MMP7: variants seen among roughly 807,000 people sequenced by gnomAD.
MMP7 encodes matrix metallopeptidase 7.
In MMP7, 26 loss-of-function variants were observed where a neutral mutation model predicts 31.5. The observed-to-expected ratio is 0.83, with a 90% confidence interval of 0.61 to 1.15. The LOEUF (loss-of-function observed/expected upper bound fraction) is 1.15. MMP7 is among the 50% of genes most tolerant of loss of function. MMP7 has a pLI of 0.00. For missense variants in MMP7, 367 were observed against 326.5 expected (o/e 1.12, Z -0.96); for synonymous variants, 142 against 124.2 (o/e 1.14, Z -0.95).
intron 5 of MMP7, among the ~76,000 whole-genome samples, chr11:102,522,140 C>T (rs1327297600): frequency 1.3e-5 from 2 of 152,198 alleles, no homozygotes; most frequent in East Asian, 3.8e-4. Context: ...TCCATAGCCT[C>T]CTTTTCTGGG....
At chr11:102,528,061 C>G (rs887308119) in intron 1 of MMP7, 78 bp from the exon 2 acceptor site, 6 of 1,024,678 alleles carry the variant, frequency 5.9e-6, no homozygotes, top group Admixed American at 5.3e-5. Flanking sequence ...TATCTCTTGC[C>G]TTTGGTTCCT....
At chr11:102,524,895 T>C in intron 4 of MMP7, 41 bp downstream of exon 4, 2 of 1,585,298 alleles carry the variant, frequency 1.3e-6, no homozygotes, top group African/African-American at 1.4e-5. Flanking sequence ...GTCCAGGATT[T>C]TAAAACGGAT....
chr11:102,525,893 G>A lies in MMP7; in HGVS notation c.485-829C>T, dbSNP rs192119671. On this transcript the variant is annotated intron_variant, in intron 3 of 5. Transcript: ENST00000260227. ...TCCTTTAATGTGTGATGCAGAGCTG[G>A]TTATCTTCGAGGTGATATGAGGCCA... 2.9e-4 allele frequency among the ~76,000 whole-genome samples: 44 copies of A among 151,824 alleles called. 1 individual carries two copies. Among genetic ancestry groups the A allele is most frequent in the African/African-American group, 9.4e-4 (39 of 41,382 alleles).
At chr11:102,529,290 A>G (rs530484096) in intron 1 of MMP7, among the ~76,000 whole-genome samples, 15 of 152,226 alleles carry the variant, frequency 9.9e-5, no homozygotes, top group Non-Finnish European at 1.9e-4. Context: ...ACAATTGATA[A>G]CTGATCCTTT....
chr11:102,526,868 C>T (rs528677455), intron 3 of MMP7: 6 of 152,530 alleles, frequency 3.9e-5, no homozygotes, highest in East Asian at 3.9e-4. Context: ...TGTTTAAATA[C>T]GTTTAGACAC....
At chr11:102,522,300 A>G (rs1858621998) in intron 5 of MMP7, among the ~76,000 whole-genome samples, 1 of 152,216 alleles carries the variant, frequency 6.6e-6, no homozygotes, top group Non-Finnish European at 1.5e-5. Context: ...AAGCACTTTC[A>G]TTGCTCACGT....
At chr11:102,530,093 T>C (rs564381918) in intron 1 of MMP7, among the ~76,000 whole-genome samples, 1 of 152,360 alleles carries the variant, frequency 6.6e-6, no homozygotes, top group South Asian at 2.1e-4. Flanking sequence ...TTTCTACCCA[T>C]GTTTTCTGAC....
intron 1 of MMP7, among the ~76,000 whole-genome samples, chr11:102,530,329 T>A (rs1858721295): frequency 6.6e-6 from 1 of 152,218 alleles, no homozygotes; most frequent in Non-Finnish European, 1.5e-5. Context: ...ATTGGAAACC[T>A]GAAGCTTAGA....
In MMP7 at chr11:102,520,570, C is replaced by T. The variant is rs189285508; in HGVS notation, c.*206G>A. The stretch of plus-strand genomic sequence containing the variant: ...TATGTAACATTTATTGACATCTACC[C>T]ACTGCAAGTATAGATGAATAAGACA... On this transcript the variant is annotated 3_prime_UTR_variant, in exon 6 of 6. Coordinates refer to ENST00000260227, the MANE Select transcript of MMP7 (RefSeq NM_002423.5). 1.1e-5 allele frequency: 5 copies of T among 462,078 alleles called. No individual in the cohort carries two copies. In the East Asian group the frequency reaches 1.3e-4, roughly 12 times the overall value. The allele number at this position is 462,078 out of a possible 1,614,324, so 28.6% of individuals were successfully genotyped here.
At chr11:102,527,351 C>G (rs1322029991) in intron 3 of MMP7, 173 bp downstream of exon 3, 2 of 814,604 alleles carry the variant, frequency 2.5e-6, no homozygotes, top group South Asian at 1.9e-5. Flanking sequence ...AAAAGTGGCT[C>G]TATATTACCA....
chr11:102,530,568 C>A (rs370899434), intron 1 of MMP7, 25 bp downstream of exon 1: 43 of 1,567,686 alleles, frequency 2.7e-5, no homozygotes, highest in Non-Finnish European at 3.7e-5. Context: ...AGAATGGAAC[C>A]CTAAGTAAGT....
intron 5 of MMP7, among the ~76,000 whole-genome samples, chr11:102,522,263 C>T (rs17098292): frequency 0.067 from 10,213 of 152,222 alleles, 891 homozygotes; most frequent in African/African-American, 0.21. Flanking sequence ...AATATTTCTC[C>T]CCTGAGGACA....
intron 1 of MMP7, among the ~76,000 whole-genome samples, chr11:102,529,170 C>T (rs965113377): frequency 5.3e-5 from 8 of 152,096 alleles, no homozygotes; most frequent in South Asian, 2.1e-4. Flanking sequence ...GTCTTAGGAC[C>T]GCCCAGGAAT....
intron 3 of MMP7, among the ~76,000 whole-genome samples, chr11:102,526,751 T>A (rs111273420): frequency 1.0e-3 from 154 of 152,296 alleles, no homozygotes; most frequent in African/African-American, 3.6e-3. Context: ...AGTAAACAGA[T>A]CACATATACA....
chr11:102,527,294 T>C, intron 3 of MMP7: 1 of 523,788 alleles, frequency 1.9e-6, no homozygotes, highest in Non-Finnish European at 3.4e-6. Flanking sequence ...AAACAGAAGG[T>C]GGGCTGGATT....
Position 102,520,556 on chromosome 11 carries a change from T to C in MMP7, c.*220A>G, listed in dbSNP as rs17886371. 29,744 of 436,516 alleles carry C rather than the reference T, an allele frequency of 0.068. 1,267 individuals are homozygous for C. Among genetic ancestry groups the C allele is most frequent in the Non-Finnish European group, 0.086 (21,058 of 243,510 alleles). 27.0% of individuals were successfully genotyped at this position (436,516 alleles called of 1,614,324 possible). ...TTTATTTATTTGTGTATGTAACATT[T>C]ATTGACATCTACCCACTGCAAGTAT... On this transcript the variant is annotated 3_prime_UTR_variant, in exon 6 of 6. Transcript: ENST00000260227.
chr11:102,523,688 G>A (rs1157312679), intron 4 of MMP7, among the ~76,000 whole-genome samples: 2 of 152,134 alleles, frequency 1.3e-5, no homozygotes, highest in African/African-American at 4.8e-5. Context: ...GGAAAGCAAA[G>A]GTTTTAAAAG....
At position 102,527,740 on chromosome 11, in the gene MMP7, G is replaced by T. The variant is rs1386144140; in HGVS notation, c.335+17C>A. 1 of 1,613,764 alleles carries T rather than the reference G, an allele frequency of 6.2e-7. No homozygotes were observed. The highest frequency in any genetic ancestry group is 1.1e-5 in the South Asian group (1 of 91,038). On this transcript the variant is annotated intron_variant, in intron 2 of 5. Coordinates refer to ENST00000260227, the MANE Select transcript of MMP7 (RefSeq NM_002423.5). ...GGCTTTATTGTTTTTGCCAAAATGA[G>T]CCAGAGCAAAACTAACCTGTAGGTG...
chr11:102,524,241 G>T (rs1024100032), intron 4 of MMP7: 3 of 152,178 alleles, frequency 2.0e-5, no homozygotes, highest in Non-Finnish European at 4.4e-5. Context: ...AAGCTATGGT[G>T]AATTCCTTTT....
Sources: gnomAD v4.1 joint callset for allele counts (sites outside exome capture counted in the v4.1 genomes callset) on GRCh38, gnomAD v4.1.1 for gene constraint, MANE v1.5 for transcripts, NCBI Gene and HGNC (gene_info 2026-07-23, HGNC 2026-07-21) for gene names.